RAB27B: variants seen among roughly 807,000 people sequenced by gnomAD.
RAB27B encodes the protein ras-related protein Rab-27B.
In RAB27B, 15 loss-of-function variants were observed where a neutral mutation model predicts 24.6. That is an observed-to-expected ratio of 0.61 (90% CI 0.41 to 0.94). The LOEUF (loss-of-function observed/expected upper bound fraction) is 0.94, where lower values mean the gene tolerates loss of function less well. Among genes scored for constraint, RAB27B ranks in the 40% least tolerant of loss-of-function variants. The pLI, the probability that RAB27B is intolerant of heterozygous loss-of-function variation, is 0.00. For synonymous variants in RAB27B, 105 were observed against 92.5 expected (o/e 1.14, Z -0.78); for missense variants, 261 against 266.8 (o/e 0.98, Z 0.15).
chr18:54,827,076 A>G (rs1316036103), upstream of RAB27B, among the ~76,000 whole-genome samples: 1 of 152,196 alleles, frequency 6.6e-6, no homozygotes, highest in Non-Finnish European at 1.5e-5. Context: ...ATGGACACAC[A>G]CTTCTTATAT....
rs114317029 is a variant in RAB27B, at chr18:54,729,796, G to T, written c.-20+11655G>T. On this transcript the variant is annotated intron_variant, in intron 2 of 4. Transcript: ENST00000586570. Reference sequence around the variant, plus strand: ...AAGTGAATTAATCTAATCAACTTTAGATTTAAAAAAATAATCCACTTATGT... The same window carrying T: ...AAGTGAATTAATCTAATCAACTTTATATTTAAAAAAATAATCCACTTATGT... Among the ~76,000 whole-genome samples the T allele has an allele frequency of 5.8e-3, 883 of 151,868 alleles. 3 individuals are homozygous for T. The highest frequency in any genetic ancestry group is 0.021 in the African/African-American group (861 of 41,412).
chr18:54,816,445 G>A (rs1031348161), intron 2 of RAB27B, among the ~76,000 whole-genome samples: 60 of 152,196 alleles, frequency 3.9e-4, no homozygotes, highest in Non-Finnish European at 7.3e-5. Flanking sequence ...CAAGACGACT[G>A]AGGGATTGAC....
chr18:54,830,165 G>T (rs1407955174), intron 1 of RAB27B, among the ~76,000 whole-genome samples: 1 of 152,192 alleles, frequency 6.6e-6, no homozygotes, highest in Non-Finnish European at 1.5e-5. Flanking sequence ...ACCCAATAGG[G>T]AAGGTAACCC....
At chr18:54,851,008 A>G (rs999960908) in intron 1 of RAB27B, among the ~76,000 whole-genome samples, 4 of 152,022 alleles carry the variant, frequency 2.6e-5, no homozygotes, top group African/African-American at 9.7e-5. Context: ...AAAACCTCTG[A>G]GGATTATTTT....
chr18:54,752,240 A>G (rs1907856576), intron 2 of RAB27B, among the ~76,000 whole-genome samples: 1 of 152,174 alleles, frequency 6.6e-6, no homozygotes, highest in African/African-American at 2.4e-5. Flanking sequence ...TGTCACATTA[A>G]GCCATAGCCT....
intron 1 of RAB27B, among the ~76,000 whole-genome samples, chr18:54,832,497 G>A (rs1375497102): frequency 6.6e-6 from 1 of 152,150 alleles, no homozygotes; most frequent in African/African-American, 2.4e-5. Context: ...TGAATCTGGG[G>A]CACCTAGAGG....
intron 1 of RAB27B, among the ~76,000 whole-genome samples, chr18:54,863,601 T>C (rs1912091796): frequency 1.3e-5 from 2 of 152,166 alleles, no homozygotes; most frequent in African/African-American, 2.4e-5. Flanking sequence ...TGTGCCACCA[T>C]TACTATTTAA....
At chr18:54,847,073 A>G (rs1207332801) in intron 1 of RAB27B, among the ~76,000 whole-genome samples, 1 of 151,372 alleles carries the variant, frequency 6.6e-6, no homozygotes, top group African/African-American at 2.4e-5. Flanking sequence ...CTGGTCTTGA[A>G]CTCCTGACCT....
chr18:54,785,699 C>T (rs1218594127), intron 2 of RAB27B, among the ~76,000 whole-genome samples: 1 of 152,214 alleles, frequency 6.6e-6, no homozygotes, highest in East Asian at 1.9e-4. Context: ...ATGCCTAAAA[C>T]AGTGTTAGGA....
At chr18:54,796,881 T>A (rs1344761567) in intron 2 of RAB27B, among the ~76,000 whole-genome samples, 2 of 152,118 alleles carry the variant, frequency 1.3e-5, no homozygotes, top group Admixed American at 6.5e-5. Flanking sequence ...GACAAAATAG[T>A]GGCATGATAG....
At chr18:54,761,690 A>G (rs1455828826) in intron 2 of RAB27B, among the ~76,000 whole-genome samples, 2 of 152,208 alleles carry the variant, frequency 1.3e-5, no homozygotes, top group East Asian at 1.9e-4. Context: ...TCAAGAGGCA[A>G]TAATCCAATG....
At chr18:54,754,811 G>A (rs1907951998) in intron 2 of RAB27B, among the ~76,000 whole-genome samples, 1 of 152,148 alleles carries the variant, frequency 6.6e-6, no homozygotes, top group Admixed American at 6.5e-5. Context: ...TTCTGTTGTT[G>A]GAGTTTATCC....
chr18:54,736,266 A>G (rs1030652685), intron 2 of RAB27B, among the ~76,000 whole-genome samples: 3 of 152,202 alleles, frequency 2.0e-5, no homozygotes, highest in Non-Finnish European at 4.4e-5. Context: ...ATTGCTGCAA[A>G]AGTAACTTTC....
chr18:54,823,528 T>C (rs996625160), upstream of RAB27B, among the ~76,000 whole-genome samples: 1 of 152,174 alleles, frequency 6.6e-6, no homozygotes, highest in African/African-American at 2.4e-5. Flanking sequence ...AAACCAAATA[T>C]ATTTGTTGTT....
intron 2 of RAB27B, among the ~76,000 whole-genome samples, chr18:54,805,953 C>T (rs528159173): frequency 9.2e-5 from 14 of 152,226 alleles, no homozygotes; most frequent in African/African-American, 3.4e-4. Context: ...GAGACAAACC[C>T]AATTCATGTG....
At chr18:54,815,966 T>C (rs1910109028) in intron 2 of RAB27B, among the ~76,000 whole-genome samples, 1 of 152,220 alleles carries the variant, frequency 6.6e-6, no homozygotes, top group South Asian at 2.1e-4. Flanking sequence ...AATCTTTCTT[T>C]AAGTACCAAA....
chr18:54,763,052 G>C (rs1163309300), intron 2 of RAB27B, among the ~76,000 whole-genome samples: 1 of 152,006 alleles, frequency 6.6e-6, no homozygotes, highest in African/African-American at 2.4e-5. Flanking sequence ...TAAGCTCAAG[G>C]CTTTGATGAA....
intron 2 of RAB27B, among the ~76,000 whole-genome samples, chr18:54,750,490 G>T (rs1403801450): frequency 6.6e-6 from 1 of 151,978 alleles, no homozygotes; most frequent in Non-Finnish European, 1.5e-5. Flanking sequence ...TAGTCAATTT[G>T]GCTAACACTA....
Position 54,720,711 on chromosome 18 carries a change from A to G in RAB27B, c.-20+2570A>G, listed in dbSNP as rs183729633. Among the ~76,000 whole-genome samples, 6 of 152,246 alleles carry G rather than the reference A, an allele frequency of 3.9e-5. No individual in the cohort carries two copies. The East Asian group carries it at 5.8e-4, about 15-fold the overall frequency. On this transcript the variant is annotated intron_variant, in intron 2 of 4. Coordinates refer to the RAB27B transcript ENST00000586570. ...CTAGTAGAAACCACAGAAAAATGCA[A>G]TAAGTCATCCAGGGACCAATGGTAG...
Sources: allele counts gnomAD v4.1 joint callset (sites outside exome capture counted in the v4.1 genomes callset), GRCh38; gene constraint gnomAD v4.1.1; transcripts MANE v1.5; gene names NCBI Gene and HGNC (gene_info 2026-07-23, HGNC 2026-07-21).